The following TRIM16 variants were observed in gnomAD, a reference collection of about 807,000 sequenced individuals.
TRIM16 encodes the protein tripartite motif-containing protein 16.
TRIM16 carries 33 observed loss-of-function variants against 50.4 expected under a neutral mutation model. The observed-to-expected ratio is 0.65, with a 90% confidence interval of 0.50 to 0.88. TRIM16 has a LOEUF of 0.88. Ranked by LOEUF, TRIM16 falls within the 40% of genes least tolerant of loss-of-function variation. The pLI, the probability that TRIM16 is intolerant of heterozygous loss-of-function variation, is 0.00. For synonymous variants in TRIM16, 229 were observed against 270.7 expected (o/e 0.85, Z 1.51); for missense variants, 581 against 686.8 (o/e 0.85, Z 1.72).
intron 6 of TRIM16, among the ~76,000 whole-genome samples, chr17:15,663,032 A>C (rs1327112520): frequency 6.6e-6 from 1 of 151,970 alleles, no homozygotes; most frequent in Non-Finnish European, 1.5e-5. Flanking sequence ...GTGAACCCTC[A>C]GTTCCTAATT....
At chr17:15,680,034 A>G (rs1050997681) in intron 4 of TRIM16, among the ~76,000 whole-genome samples, 1 of 152,020 alleles carries the variant, frequency 6.6e-6, no homozygotes, top group African/African-American at 2.4e-5. Context: ...TTTGTGGAAC[A>G]ACACCTCTGT....
At chr17:15,664,719 T>C (rs79523463) in intron 6 of TRIM16, among the ~76,000 whole-genome samples, 4,007 of 151,846 alleles carry the variant, frequency 0.026, 110 homozygotes, top group East Asian at 0.13. Context: ...TGATGTGTCT[T>C]ATATCTGCTG....
chr17:15,677,960 G>A (rs986870564), intron 4 of TRIM16, among the ~76,000 whole-genome samples: 7 of 152,190 alleles, frequency 4.6e-5, no homozygotes, highest in Non-Finnish European at 1.0e-4. Flanking sequence ...GCTCACGCCT[G>A]TAATCCCAGC....
At chr17:15,676,724 T>C (rs1478010711) in intron 6 of TRIM16, among the ~76,000 whole-genome samples, 17 of 152,344 alleles carry the variant, frequency 1.1e-4, no homozygotes, top group African/African-American at 3.8e-4. Flanking sequence ...CGTGAGCCAC[T>C]GCGCCTGGCC....
intron 6 of TRIM16, chr17:15,675,413 G>A (rs1216470183): frequency 6.0e-6 from 1 of 166,466 alleles, no homozygotes; most frequent in Non-Finnish European, 1.5e-5. Context: ...TGTCTAATGA[G>A]GGCTGAACTA....
Position 15,636,039 on chromosome 17 carries a change from C to G in TRIM16, c.846G>C (p.Leu282Phe). 1.2e-6 allele frequency: 2 copies of G among 1,611,728 alleles called. 1 individual carries two copies. Among genetic ancestry groups the G allele is most frequent in the South Asian group, 2.2e-5 (2 of 90,856 alleles). The change falls in exon 9 of 12, where the codon TTG (leucine) becomes TTC (phenylalanine). Residue 282 changes from leucine (L) to phenylalanine (F), a missense_variant. Transcript: ENST00000649191. ...TCTGCCCCCGCAACCCCCATACCTCCAAGAACTGGACAGTGTTGCTGATGG... is the reference window on the plus strand; with the variant it reads ...TCTGCCCCCGCAACCCCCATACCTCGAAGAACTGGACAGTGTTGCTGATGG... ...MAAISNTVQF[L>F]EEYCKFKNTE...
intron 6 of TRIM16, among the ~76,000 whole-genome samples, chr17:15,652,302 C>T (rs1444467711): frequency 6.9e-6 from 1 of 143,968 alleles, no homozygotes; most frequent in Non-Finnish European, 1.5e-5. Context: ...CACCTGCCAC[C>T]GTGCCCGGCT....
intron 6 of TRIM16, among the ~76,000 whole-genome samples, chr17:15,668,896 C>T (rs937975211): frequency 2.0e-5 from 3 of 151,668 alleles, no homozygotes; most frequent in African/African-American, 7.3e-5. Context: ...AAACTTCAGA[C>T]AAAGCATTAA....
chr17:15,656,314 C>T (rs752198409), intron 6 of TRIM16, among the ~76,000 whole-genome samples: 6 of 152,136 alleles, frequency 3.9e-5, no homozygotes, highest in Non-Finnish European at 7.4e-5. Flanking sequence ...GCTTCAAAGG[C>T]TCTACAGTCA....
chr17:15,659,355 C>T (rs551267785), intron 6 of TRIM16, among the ~76,000 whole-genome samples: 6 of 152,204 alleles, frequency 3.9e-5, no homozygotes, highest in African/African-American at 1.4e-4. Flanking sequence ...CTCAGACCAC[C>T]CAAGCTTACG....
intron 4 of TRIM16, 36 bp from the exon 5 acceptor site, chr17:15,677,757 G>C (rs1989009366): frequency 1.0e-6 from 1 of 986,374 alleles, no homozygotes. Context: ...ACTTAGGGGA[G>C]ACTGATGGGA....
chr17:15,638,706 G>A (rs1277098140), intron 8 of TRIM16, among the ~76,000 whole-genome samples: 1 of 148,616 alleles, frequency 6.7e-6, no homozygotes, highest in Non-Finnish European at 1.5e-5. Context: ...GGCAAGGAAG[G>A]AGAGAGGGAG....
intron 8 of TRIM16, among the ~76,000 whole-genome samples, chr17:15,641,324 C>T (rs1945537998): frequency 6.7e-6 from 1 of 148,726 alleles, no homozygotes; most frequent in African/African-American, 2.5e-5. Flanking sequence ...GGTGTACATG[C>T]CTATCAATAT....
At chr17:15,667,684 C>A (rs889136912) in intron 6 of TRIM16, among the ~76,000 whole-genome samples, 3 of 152,162 alleles carry the variant, frequency 2.0e-5, no homozygotes, top group African/African-American at 7.2e-5. Context: ...AAATTCTCTA[C>A]CATGGTAGAT....
Position 15,629,174 on chromosome 17 carries a change from G to C in TRIM16, c.1136C>G (p.Pro379Arg). The change falls in exon 12 of 12, where the codon CCG becomes CGG. Residue 379 changes from proline (P) to arginine (R), a missense_variant. Pro to Arg is a moderately radical substitution (Grantham distance 103). Around this residue, in one of 3 missense-constraint regions of TRIM16, gnomAD observed 450 missense variants for 544.3 expected, o/e 0.83. Transcript: ENST00000649191. ...CCGGAGATACTTGTGTGCTGTGTCC[G>C]GGTCAAACGTGATGTCATACGCATC... ...LQYAYDITFD[P>R]DTAHKYLRLQ... The C allele has an allele frequency of 6.2e-7, 1 of 1,611,844 alleles. No homozygotes were observed. Among genetic ancestry groups the C allele is most frequent in the East Asian group, 2.2e-5 (1 of 44,840 alleles).
chr17:15,675,060 CTGAGGCCAGG>C (rs1398011125), intron 6 of TRIM16, among the ~76,000 whole-genome samples: 1 of 151,748 alleles, frequency 6.6e-6, no homozygotes, highest in Non-Finnish European at 1.5e-5. Flanking sequence ...TGGCTTATTC[CTGAGGCCAGG>C]GAAGGGGGGT....
chr17:15,651,158 T>C lies in TRIM16; in HGVS notation c.452A>G (p.Gln151Arg). The change falls in exon 7 of 12, where the codon CAG (glutamine) becomes CGG (arginine). Residue 151 changes from glutamine (Q) to arginine (R), a missense_variant. Physicochemically the swap from Gln to Arg is conservative, Grantham distance 43 (BLOSUM62 1). This residue lies in a region of TRIM16 where 450 missense variants were observed against 544.3 expected (regional missense o/e 0.83). Transcript: ENST00000649191. ...GCCACTGTGCTCCTGGCAACAGTCC[T>C]GGCAGATGCACTGCTGATCAGGGCA... ...FCCPDQQCICQDCCQEHSGHT... is the reference protein window; with the variant it reads ...FCCPDQQCICRDCCQEHSGHT... 1 of 1,614,222 alleles carries C rather than the reference T, an allele frequency of 6.2e-7. No individual in the cohort carries two copies. The highest frequency in any genetic ancestry group is 8.5e-7 in the Non-Finnish European group (1 of 1,180,034).
rs570332819 is a variant in TRIM16, at chr17:15,642,141, G to A, written c.615+580C>T. 4.7e-5 allele frequency among the ~76,000 whole-genome samples: 7 copies of A among 149,222 alleles called. 1 individual carries two copies. In the South Asian group the frequency reaches 1.5e-3, roughly 32 times the overall value. On this transcript the variant is annotated intron_variant, in intron 8 of 11. Transcript: ENST00000649191. ...TTACAGGTGTGAGCCACTGTGCCCG[G>A]CCTGTTTTGCATTCTCTTCTGAGTG...
intron 6 of TRIM16, among the ~76,000 whole-genome samples, chr17:15,672,246 C>T (rs1232137735): frequency 6.6e-6 from 1 of 150,488 alleles, no homozygotes; most frequent in Non-Finnish European, 1.5e-5. Context: ...TCCAGATTAC[C>T]TACCAAAAAG....
Sources: allele counts gnomAD v4.1 joint callset (sites outside exome capture counted in the v4.1 genomes callset), GRCh38; gene constraint gnomAD v4.1.1; regional missense constraint gnomAD v4.1.1; transcripts MANE v1.5; gene names NCBI Gene and HGNC (gene_info 2026-07-23, HGNC 2026-07-21).